Variants in FGF5 observed in about 807,000 individuals in gnomAD.
FGF5 encodes fibroblast growth factor 5.
In FGF5, 23 loss-of-function variants were observed where a neutral mutation model predicts 21.8. That is an observed-to-expected ratio of 1.05 (90% confidence interval 0.76 to 1.49). The LOEUF (loss-of-function observed/expected upper bound fraction) is 1.49. Ranked by LOEUF, FGF5 falls within the 40% of genes most tolerant of loss-of-function variation. FGF5 has a pLI of 0.00. For synonymous variants in FGF5, 158 were observed against 124.0 expected (o/e 1.27, Z -1.82); for missense variants, 352 against 332.9 (o/e 1.06, Z -0.45).
intron 2 of FGF5, among the ~76,000 whole-genome samples, chr4:80,276,978 C>T (rs1720431280): frequency 6.6e-6 from 1 of 151,788 alleles, no homozygotes; most frequent in South Asian, 2.1e-4. Context: ...TGATTTATGC[C>T]ATAGTACATG....
intron 1 of FGF5, among the ~76,000 whole-genome samples, chr4:80,272,424 T>C (rs961402441): frequency 6.6e-6 from 1 of 152,152 alleles, no homozygotes; most frequent in African/African-American, 2.4e-5. Flanking sequence ...ACACAGAGTG[T>C]ACACTGTATT....
intron 2 of FGF5, among the ~76,000 whole-genome samples, chr4:80,277,972 T>C (rs1720459817): frequency 6.6e-6 from 1 of 152,132 alleles, no homozygotes; most frequent in African/African-American, 2.4e-5. Context: ...TCTCATTAGA[T>C]AATGAGGTGA....
intron 2 of FGF5, among the ~76,000 whole-genome samples, chr4:80,280,534 G>A (rs563885181): frequency 6.6e-6 from 1 of 152,326 alleles, no homozygotes; most frequent in Admixed American, 6.5e-5. Flanking sequence ...AAGACCCTTA[G>A]TCTAGGAATC....
At chr4:80,285,846 G>GA (rs571889444) in intron 2 of FGF5, among the ~76,000 whole-genome samples, 6 of 151,962 alleles carry the variant, frequency 3.9e-5, no homozygotes, top group East Asian at 1.9e-4. Context: ...TGATAACATT[G>GA]AAAAAATGCA....
At position 80,286,608 on chromosome 4, in the gene FGF5, C is replaced by T; in HGVS notation, c.743C>T (p.Pro248Leu). 1 of 1,614,014 alleles carries T rather than the reference C, an allele frequency of 6.2e-7. No homozygotes were observed. Among genetic ancestry groups the T allele is most frequent in the South Asian group, 1.1e-5 (1 of 91,076 alleles). The change falls in exon 3 of 3, where the codon CCC becomes CTC. Residue 248 changes from proline (P) to leucine (L), a missense_variant. Transcript: ENST00000312465. Reference protein sequence around the residue: ...KPPSPIKPKIPLSAPRKNTNS... With the variant: ...KPPSPIKPKILLSAPRKNTNS... ...CCTAGCCCTATCAAGCCAAAGATTCCCCTTTCTGCACCTCGGAAAAATACC... is the reference window on the plus strand; with the variant it reads ...CCTAGCCCTATCAAGCCAAAGATTCTCCTTTCTGCACCTCGGAAAAATACC...
chr4:80,286,177 T>C (rs914189343), intron 2 of FGF5, 148 bp from the exon 3 acceptor site: 5 of 551,696 alleles, frequency 9.1e-6, no homozygotes, highest in Non-Finnish European at 1.6e-5. Flanking sequence ...AACTTTAAAA[T>C]AAGCAAACAT....
intron 2 of FGF5, among the ~76,000 whole-genome samples, chr4:80,279,755 C>T (rs923317688): frequency 1.3e-5 from 2 of 152,120 alleles, no homozygotes; most frequent in Non-Finnish European, 1.5e-5. Context: ...AAGCTCATTG[C>T]TAATTAGGGA....
intron 1 of FGF5, among the ~76,000 whole-genome samples, chr4:80,272,289 A>G (rs1385170119): frequency 6.6e-6 from 1 of 152,148 alleles, no homozygotes; most frequent in Non-Finnish European, 1.5e-5. Context: ...GCACTATATC[A>G]TTTTTATCCT....
rs1720808755 is a variant in FGF5, at chr4:80,288,644, T to C, written c.*1972T>C. 1 of 152,552 alleles carries C rather than the reference T, an allele frequency of 6.6e-6. No homozygotes were observed. The highest frequency in any genetic ancestry group is 2.4e-5 in the African/African-American group (1 of 41,448). 9.4% of individuals were successfully genotyped at this position (152,552 alleles called of 1,614,324 possible). A position where few individuals can be genotyped will look rare whatever the true frequency, so the allele number is the denominator to read the frequency against. ...CTATTGTTAAGTATTGTGCACTGTA[T>C]ACCAAGTTCTTAGGGCACATGAAAA... On this transcript the variant is annotated 3_prime_UTR_variant, in exon 3 of 3. Transcript: ENST00000312465.
rs35824098 is a variant in FGF5 at position 80,284,967 on chromosome 4, C to G, written c.460-1358C>G. Among the ~76,000 whole-genome samples the G allele has an allele frequency of 3.8e-3, 581 of 152,228 alleles. 2 individuals are homozygous for G. Among genetic ancestry groups the G allele is most frequent in the African/African-American group, 0.011 (473 of 41,554 alleles). Reference sequence around the variant, plus strand: ...ACACGGGAATTCTGTGTAAATAGTACTCCTTGAAATTATGAAACCTGGTAG... The same window carrying G: ...ACACGGGAATTCTGTGTAAATAGTAGTCCTTGAAATTATGAAACCTGGTAG... On this transcript the variant is annotated intron_variant, in intron 2 of 2. Coordinates refer to ENST00000312465, the MANE Select transcript of FGF5 (RefSeq NM_004464.4).
At chr4:80,269,835 T>C (rs939019885) in intron 1 of FGF5, among the ~76,000 whole-genome samples, 1 of 151,752 alleles carries the variant, frequency 6.6e-6, no homozygotes, top group African/African-American at 2.4e-5. Context: ...ATTCAAATCA[T>C]AGTAATTTTC....
At position 80,268,508 on chromosome 4, in the gene FGF5, C is replaced by T. The variant is rs964512285; in HGVS notation, c.355+1329C>T. On this transcript the variant is annotated intron_variant, in intron 1 of 2. Transcript: ENST00000312465. ...GGCTCCAGAGGAGCGTGGACACCAC[C>T]GGCGGTCTGAAGATTTGGCAGCCAG... The T allele has an allele frequency of 6.1e-6, 6 of 985,952 alleles. No individual in the cohort carries two copies. In the African/African-American group the frequency reaches 7.0e-5, roughly 11 times the overall value. 61.1% of individuals were successfully genotyped at this position (985,952 alleles called of 1,614,324 possible).
intron 1 of FGF5, among the ~76,000 whole-genome samples, chr4:80,269,542 T>C (rs899065032): frequency 2.0e-5 from 3 of 152,200 alleles, no homozygotes; most frequent in African/African-American, 7.2e-5. Flanking sequence ...TACATTTTCT[T>C]TTAAAATCCA....
rs1720880200 is a variant in FGF5, at chr4:80,290,765, A to G, written c.*4093A>G. On this transcript the variant is annotated 3_prime_UTR_variant, in exon 3 of 3. Coordinates refer to ENST00000312465, the MANE Select transcript of FGF5 (RefSeq NM_004464.4). The stretch of plus-strand genomic sequence containing the variant: ...CATGTGTTCTTATTGTTCAATTCCC[A>G]CCTATGAGTGAGAATATGTGGTGTT... 6.6e-6 allele frequency: 1 copy of G among 151,714 alleles called. No homozygotes were observed. Among genetic ancestry groups the G allele is most frequent in the South Asian group, 2.1e-4 (1 of 4,804 alleles). The allele number at this position is 151,714 out of a possible 1,614,324, so 9.4% of individuals were successfully genotyped here. A position where few individuals can be genotyped will look rare whatever the true frequency, so the allele number is the denominator to read the frequency against.
intron 1 of FGF5, among the ~76,000 whole-genome samples, chr4:80,270,656 A>G (rs1720245247): frequency 1.3e-5 from 2 of 152,352 alleles, no homozygotes; most frequent in East Asian, 3.9e-4. Context: ...TTTAATTTAT[A>G]CGCCTTCAAG....
chr4:80,275,005 A>G lies in FGF5; in HGVS notation c.452A>G (p.His151Arg). The change falls in exon 2 of 3, where the codon CAT becomes CGT. Residue 151 changes from histidine to arginine, a missense_variant. Physicochemically the swap from His to Arg is conservative, Grantham distance 29. Transcript: ENST00000312465. ...FLAMSKKGKL[H>R]ASAKFTDDCK... ...GCGATGTCAAAAAAAGGAAAACTCCATGCAAGTGTAAGTAGAACCACTTTA... is the reference window on the plus strand; with the variant it reads ...GCGATGTCAAAAAAAGGAAAACTCCGTGCAAGTGTAAGTAGAACCACTTTA... 6.1e-6 allele frequency: 9 copies of G among 1,482,404 alleles called. No homozygotes were observed. Among genetic ancestry groups the G allele is most frequent in the Non-Finnish European group, 8.4e-6 (9 of 1,066,346 alleles). 91.8% of individuals were successfully genotyped at this position (1,482,404 alleles called of 1,614,324 possible). A position where few individuals can be genotyped will look rare whatever the true frequency, so the allele number is the denominator to read the frequency against.
Position 80,288,904 on chromosome 4 carries a change from A to G in FGF5, c.*2232A>G, listed in dbSNP as rs1720818512. On this transcript the variant is annotated 3_prime_UTR_variant, in exon 3 of 3. Transcript: ENST00000312465. ...TAAATATATATTATGCAAGTCAGGA[A>G]TCATTAATTTCAAAATTTAAAGCCA... is the stretch of plus-strand genomic sequence containing the variant. 1 of 152,618 alleles carries G rather than the reference A, an allele frequency of 6.6e-6. No individual in the cohort carries two copies. The highest frequency in any genetic ancestry group is 1.5e-5 in the Non-Finnish European group (1 of 68,028). The allele number at this position is 152,618 out of a possible 1,614,324, so 9.5% of individuals were successfully genotyped here. A position where few individuals can be genotyped will look rare whatever the true frequency, so the allele number is the denominator to read the frequency against.
rs1305833849 is a variant in FGF5, at chr4:80,290,600, C to G, written c.*3928C>G. The stretch of plus-strand genomic sequence containing the variant: ...ATGTCCACAATGCACATGTCTGTCA[C>G]ACATGCACACATGTGCCATGCTGGT... On this transcript the variant is annotated 3_prime_UTR_variant, in exon 3 of 3. Transcript: ENST00000312465. The G allele has an allele frequency of 6.6e-6, 1 of 152,048 alleles. No individual in the cohort carries two copies. Among genetic ancestry groups the G allele is most frequent in the East Asian group, 1.9e-4 (1 of 5,188 alleles). 9.4% of individuals were successfully genotyped at this position (152,048 alleles called of 1,614,324 possible). A position where few individuals can be genotyped will look rare whatever the true frequency, so the allele number is the denominator to read the frequency against.
chr4:80,272,602 A>G (rs17532011), intron 1 of FGF5, among the ~76,000 whole-genome samples: 8,488 of 152,228 alleles, frequency 0.056, 332 homozygotes, highest in Non-Finnish European at 0.083. Flanking sequence ...ACATACACTT[A>G]TGAGACTTTA....
Sources: gnomAD v4.1 joint callset for allele counts (sites outside exome capture counted in the v4.1 genomes callset) on GRCh38, gnomAD v4.1.1 for gene constraint, MANE v1.5 for transcripts, NCBI Gene and HGNC (gene_info 2026-07-23, HGNC 2026-07-21) for gene names.